ICA1L: variants seen among roughly 807,000 people sequenced by gnomAD.
ICA1L encodes the protein islet cell autoantigen 1-like protein.
Under a neutral mutation model 61.3 loss-of-function variants are expected in ICA1L, and 50 were observed. The ratio of observed to expected loss-of-function variants is 0.82; its 90% CI spans 0.65 to 1.03. The LOEUF is 1.03. Among genes scored for constraint, ICA1L ranks in the 50% least tolerant of loss-of-function variants. The pLI is 0.00. For synonymous variants in ICA1L, 161 were observed against 191.3 expected (o/e 0.84, Z 1.31); for missense variants, 508 against 556.7 (o/e 0.91, Z 0.88).
chr2:202,793,765 G>C (rs1692830654), intron 10 of ICA1L, among the ~76,000 whole-genome samples: 1 of 151,364 alleles, frequency 6.6e-6, no homozygotes, highest in Non-Finnish European at 1.5e-5. Context: ...GGCTGGTGGA[G>C]CACCTGAGGT....
At chr2:202,811,636 T>TG in intron 9 of ICA1L, 110 bp downstream of exon 9, 1 of 707,418 alleles carries the variant, frequency 1.4e-6, no homozygotes, top group Non-Finnish European at 2.2e-6. Flanking sequence ...CACTCCAGCC[T>TG]GGGGGACAGA....
chr2:202,787,793 A>C (rs1007295035), intron 11 of ICA1L, among the ~76,000 whole-genome samples: 3 of 152,240 alleles, frequency 2.0e-5, no homozygotes, highest in Non-Finnish European at 4.4e-5. Context: ...ATATAAAGCA[A>C]GATAAAGTAG....
At chr2:202,868,987 C>A (rs1431591285) in intron 1 of ICA1L, among the ~76,000 whole-genome samples, 1 of 151,602 alleles carries the variant, frequency 6.6e-6, no homozygotes, top group East Asian at 1.9e-4. Context: ...ACAACAACAA[C>A]AACAACAACA....
chr2:202,835,971 G>A lies in ICA1L; in HGVS notation c.-7-6955C>T, dbSNP rs185474264. Among the ~76,000 whole-genome samples the A allele has an allele frequency of 6.6e-5, 10 of 152,214 alleles. No individual in the cohort carries two copies. The East Asian group carries it at 1.7e-3, about 26-fold the overall frequency. ...AAAATCACATTGTCCGCAAACAGAC[G>A]ATTTAACTTCTTCACTGACAATCTG... is the stretch of plus-strand genomic sequence containing the variant. On this transcript the variant is annotated intron_variant, in intron 1 of 12. Coordinates refer to ENST00000358299, the MANE Select transcript of ICA1L (RefSeq NM_001288622.3).
At chr2:202,858,375 A>G (rs553648816) in intron 1 of ICA1L, among the ~76,000 whole-genome samples, 65 of 152,358 alleles carry the variant, frequency 4.3e-4, no homozygotes, top group Non-Finnish European at 7.1e-4. Context: ...ACAAGAACAG[A>G]AAACCAAACA....
In ICA1L at chr2:202,774,415, A is replaced by T; in HGVS notation, c.*5118T>A. On this transcript the variant is annotated 3_prime_UTR_variant, in exon 13 of 13. Coordinates refer to ENST00000358299, the MANE Select transcript of ICA1L (RefSeq NM_001288622.3). ...ACTGCGCCTCCAACAGCCAGGGTCGAGCCCCTGGCTCCCCGTTCGTCCAGG... is the reference window on the plus strand; with the variant it reads ...ACTGCGCCTCCAACAGCCAGGGTCGTGCCCCTGGCTCCCCGTTCGTCCAGG... 1.1e-6 allele frequency: 1 copy of T among 889,942 alleles called. No individual in the cohort carries two copies. Among genetic ancestry groups the T allele is most frequent in the Non-Finnish European group, 1.5e-6 (1 of 649,558 alleles). 55.1% of individuals were successfully genotyped at this position (889,942 alleles called of 1,614,324 possible). A position where few individuals can be genotyped will look rare whatever the true frequency, so the allele number is the denominator to read the frequency against.
chr2:202,817,283 C>CT, intron 6 of ICA1L, 135 bp downstream of exon 6: 2 of 728,432 alleles, frequency 2.7e-6, no homozygotes, highest in Non-Finnish European at 4.1e-6. Flanking sequence ...GACTCTCTGA[C>CT]TTTCATAACC....
intron 9 of ICA1L, among the ~76,000 whole-genome samples, chr2:202,803,821 C>T (rs1017373538): frequency 3.3e-5 from 5 of 152,070 alleles, no homozygotes; most frequent in Non-Finnish European, 7.4e-5. Flanking sequence ...TGCCACCACG[C>T]CTGGCCCAAA....
chr2:202,793,030 G>A (rs1050255402), intron 10 of ICA1L, among the ~76,000 whole-genome samples: 6 of 152,078 alleles, frequency 3.9e-5, no homozygotes, highest in African/African-American at 1.4e-4. Flanking sequence ...GAGAGAATTT[G>A]GGGGGTAATG....
In ICA1L at chr2:202,836,024, A is replaced by G. The variant is rs10201657; in HGVS notation, c.-7-7008T>C. Among the ~76,000 whole-genome samples the G allele has an allele frequency of 4.9e-3, 752 of 152,262 alleles. 6 individuals carry two copies. The highest frequency in any genetic ancestry group is 0.017 in the African/African-American group (696 of 41,546). Reference sequence around the variant, plus strand: ...AGCCTTTTATTTCTTTCTCTTGCCTAATTATTCTAGCTAGGAGTTCCAATA... The same window carrying G: ...AGCCTTTTATTTCTTTCTCTTGCCTGATTATTCTAGCTAGGAGTTCCAATA... On this transcript the variant is annotated intron_variant, in intron 1 of 12. Coordinates refer to ENST00000358299, the MANE Select transcript of ICA1L (RefSeq NM_001288622.3).
At chr2:202,802,886 A>T (rs934125362) in intron 9 of ICA1L, among the ~76,000 whole-genome samples, 4 of 152,178 alleles carry the variant, frequency 2.6e-5, no homozygotes, top group Non-Finnish European at 1.5e-5. Context: ...GAAAACTTTT[A>T]AAACAAATGA....
In ICA1L at chr2:202,787,117, C is replaced by T. The variant is rs556718305; in HGVS notation, c.1244-1110G>A. Among the ~76,000 whole-genome samples the T allele has an allele frequency of 9.9e-5, 15 of 152,272 alleles. 1 individual carries two copies. Among genetic ancestry groups the T allele is most frequent in the Middle Eastern group, 3.4e-3 (1 of 294 alleles). ...AATATAAAGGAAAGACTGGTAAAGT[C>T]GAGTTCTGCACAAAGAGGCAGGGGC... is the stretch of plus-strand genomic sequence containing the variant. On this transcript the variant is annotated intron_variant, in intron 11 of 12. Transcript: ENST00000358299.
At chr2:202,855,763 A>G (rs1259817618) in intron 1 of ICA1L, among the ~76,000 whole-genome samples, 1 of 152,148 alleles carries the variant, frequency 6.6e-6, no homozygotes. Flanking sequence ...TCCTTCTGAA[A>G]CTACTCCAAA....
intron 10 of ICA1L, among the ~76,000 whole-genome samples, chr2:202,792,969 A>G (rs970626943): frequency 6.6e-6 from 1 of 152,230 alleles, no homozygotes; most frequent in African/African-American, 2.4e-5. Context: ...AAAACAGATT[A>G]CTAATTACCT....
intron 1 of ICA1L, among the ~76,000 whole-genome samples, chr2:202,857,931 C>T (rs573365524): frequency 2.6e-5 from 4 of 152,216 alleles, no homozygotes; most frequent in South Asian, 2.1e-4. Context: ...TACCATCTCA[C>T]GCCAGTTAGA....
At chr2:202,869,723 CT>C (rs1032149483) in intron 1 of ICA1L, 1 of 151,656 alleles carries the variant, frequency 6.6e-6, no homozygotes, top group Non-Finnish European at 1.5e-5. Context: ...GAATTTTAGT[CT>C]TTTTTTATCT....
At chr2:202,852,567 G>A (rs757928381) in intron 1 of ICA1L, among the ~76,000 whole-genome samples, 17 of 151,096 alleles carry the variant, frequency 1.1e-4, no homozygotes, top group Non-Finnish European at 2.9e-5. Context: ...CTACTCGGGA[G>A]GCTGAGGCAG....
chr2:202,794,669 C>T (rs575586931), intron 10 of ICA1L, among the ~76,000 whole-genome samples: 29 of 151,700 alleles, frequency 1.9e-4, no homozygotes, highest in Admixed American at 7.9e-4. Context: ...AACTAACATG[C>T]GAAAGTGAAT....
intron 1 of ICA1L, among the ~76,000 whole-genome samples, chr2:202,864,241 A>T (rs916841940): frequency 1.3e-5 from 2 of 151,888 alleles, no homozygotes; most frequent in African/African-American, 4.8e-5. Flanking sequence ...AGATTATTAC[A>T]GATCAATTTT....
Sources: gnomAD v4.1 joint callset for allele counts (sites outside exome capture counted in the v4.1 genomes callset) on GRCh38, gnomAD v4.1.1 for gene constraint, MANE v1.5 for transcripts, NCBI Gene and HGNC (gene_info 2026-07-23, HGNC 2026-07-21) for gene names.